NALCN: variants seen among roughly 807,000 people sequenced by gnomAD.
NALCN encodes sodium leak channel, non-selective, also known as sodium leak channel NALCN.
Under a neutral mutation model 225.3 loss-of-function variants are expected in NALCN, and 111 were observed. The observed-to-expected ratio is 0.49, with a 90% CI of 0.42 to 0.58. NALCN has a LOEUF of 0.58. Among genes scored for constraint, NALCN ranks in the 20% least tolerant of loss-of-function variants. NALCN has a pLI of 0.00. For synonymous variants in NALCN, 764 were observed against 769.0 expected, an observed-to-expected ratio of 0.99 and a Z score of 0.11; for missense variants, 1,378 against 2,202.4, an observed-to-expected ratio of 0.63 and a Z score of 7.49.
At chr13:101,343,723 G>T (rs549712622) in intron 7 of NALCN, among the ~76,000 whole-genome samples, 52 of 152,292 alleles carry the variant, frequency 3.4e-4, no homozygotes, top group African/African-American at 1.2e-3. Flanking sequence ...CCTAGAACTG[G>T]TCCTCTCAAG....
chr13:101,378,672 T>C lies in NALCN; in HGVS notation c.292-19A>G. 1 of 1,590,792 alleles carries C rather than the reference T, an allele frequency of 6.3e-7. No individual in the cohort carries two copies. Among genetic ancestry groups the C allele is most frequent in the Non-Finnish European group, 8.6e-7 (1 of 1,163,420 alleles). ...TATCCCCCTAAAAATAAATTTTACA[T>C]GGCATTATTAGGCAAAGCAAATATT... On this transcript the variant is annotated intron_variant, in intron 3 of 43. Transcript: ENST00000251127.
chr13:101,233,392 G>C (rs939981200), intron 12 of NALCN, among the ~76,000 whole-genome samples: 4 of 149,740 alleles, frequency 2.7e-5, no homozygotes, highest in Non-Finnish European at 5.9e-5. Flanking sequence ...CCAGGCTGGA[G>C]AGCAGTGGCG....
upstream of NALCN, among the ~76,000 whole-genome samples, chr13:101,416,906 C>T (rs2047963749): frequency 1.3e-5 from 2 of 152,194 alleles, no homozygotes; most frequent in South Asian, 4.2e-4. Context: ...TGCACGGTAC[C>T]GAGGACTAGT....
chr13:101,282,648 A>G (rs919252152), intron 10 of NALCN, among the ~76,000 whole-genome samples: 2 of 151,912 alleles, frequency 1.3e-5, no homozygotes, highest in Non-Finnish European at 2.9e-5. Flanking sequence ...CTTAAGTGTT[A>G]CCCCCCACCC....
intron 9 of NALCN, among the ~76,000 whole-genome samples, chr13:101,289,293 T>C (rs1161122336): frequency 6.6e-6 from 1 of 152,156 alleles, no homozygotes; most frequent in African/African-American, 2.4e-5. Context: ...ACATGTTATA[T>C]TATGGTCTCC....
At chr13:101,301,581 C>A (rs1396801335) in intron 7 of NALCN, among the ~76,000 whole-genome samples, 1 of 151,804 alleles carries the variant, frequency 6.6e-6, no homozygotes, top group African/African-American at 2.4e-5. Flanking sequence ...ATTATCCAGG[C>A]CTGGTGGCAT....
chr13:101,342,681 C>A (rs1301870485), intron 7 of NALCN, among the ~76,000 whole-genome samples: 12 of 152,138 alleles, frequency 7.9e-5, no homozygotes, highest in Admixed American at 7.9e-4. Context: ...ATAGTTACAG[C>A]TTTTCAGAGT....
At chr13:101,076,900 A>G (rs1364257061) in intron 34 of NALCN, among the ~76,000 whole-genome samples, 1 of 152,088 alleles carries the variant, frequency 6.6e-6, no homozygotes, top group African/African-American at 2.4e-5. Flanking sequence ...TTGCATTTCG[A>G]TATGGTTTGG....
At chr13:101,124,068 T>C (rs1420675126) in intron 18 of NALCN, among the ~76,000 whole-genome samples, 1 of 152,230 alleles carries the variant, frequency 6.6e-6, no homozygotes, top group African/African-American at 2.4e-5. Context: ...ATATAACATA[T>C]AGTCTTATAA....
chr13:101,397,065 A>AC (rs1650798795), intron 2 of NALCN, among the ~76,000 whole-genome samples: 2 of 68,568 alleles, frequency 2.9e-5, no homozygotes, highest in Middle Eastern at 7.2e-3. Context: ...CTATGAATGT[A>AC]TTATATATAT....
rs541106576 is a variant in NALCN at position 101,054,479 on chromosome 13, A to C, written c.*816T>G. 15 of 152,286 alleles carry C rather than the reference A, an allele frequency of 9.8e-5. No individual in the cohort carries two copies. Among genetic ancestry groups the C allele is most frequent in the African/African-American group, 2.9e-4 (12 of 41,548 alleles). 9.4% of individuals were successfully genotyped at this position (152,286 alleles called of 1,614,324 possible). A position where few individuals can be genotyped will look rare whatever the true frequency, so the allele number is the denominator to read the frequency against. The stretch of plus-strand genomic sequence containing the variant: ...TGCAAAGATTTTTTTAAATAAATTG[A>C]GCTATATAGTTTTATTCTTTTTGCT... On this transcript the variant is annotated 3_prime_UTR_variant, in exon 44 of 44. Coordinates refer to ENST00000251127, the MANE Select transcript of NALCN (RefSeq NM_052867.4).
intron 7 of NALCN, among the ~76,000 whole-genome samples, chr13:101,344,142 A>C (rs1266123595): frequency 6.6e-6 from 1 of 152,164 alleles, no homozygotes; most frequent in Non-Finnish European, 1.5e-5. Flanking sequence ...TTTCTTCCTC[A>C]TGCCTAAAAG....
At chr13:101,346,267 T>A (rs1300759482) in intron 6 of NALCN, among the ~76,000 whole-genome samples, 1 of 151,890 alleles carries the variant, frequency 6.6e-6, no homozygotes, top group Non-Finnish European at 1.5e-5. Context: ...CTATCACCAT[T>A]ACGGTTTTTG....
chr13:101,224,646 A>T (rs2041068393), intron 13 of NALCN, among the ~76,000 whole-genome samples: 2 of 152,052 alleles, frequency 1.3e-5, no homozygotes, highest in African/African-American at 4.8e-5. Context: ...TATAACCCTA[A>T]CTTATAAACT....
chr13:101,344,182 C>T (rs1354604816), intron 7 of NALCN, among the ~76,000 whole-genome samples: 1 of 152,128 alleles, frequency 6.6e-6, no homozygotes, highest in Non-Finnish European at 1.5e-5. Context: ...TGCCTCTGTA[C>T]TTTTGAGACA....
rs2041617711 is a variant in NALCN at position 101,237,824 on chromosome 13, T to C, written c.1365A>G (p.Leu455=). 1 of 1,607,284 alleles carries C rather than the reference T, an allele frequency of 6.2e-7. No individual in the cohort carries two copies. ...GAAGAGTAGTTCCAATTACGAGTAG[T>C]AGTTCGAATTTGTGGAGAGATGAGC... ...YISSSLHKFE[L]LLVIGTTLHV... Residue 455 remains leucine (L), a synonymous_variant, in exon 12 of 44, where the codon CTA becomes CTG. Transcript: ENST00000251127.
chr13:101,382,949 C>T (rs2046891153), intron 3 of NALCN, among the ~76,000 whole-genome samples: 1 of 152,118 alleles, frequency 6.6e-6, no homozygotes, highest in African/African-American at 2.4e-5. Flanking sequence ...ATCCTCTGGG[C>T]ATAAGTTTCA....
intron 13 of NALCN, among the ~76,000 whole-genome samples, chr13:101,214,580 C>T (rs924616338): frequency 4.0e-5 from 6 of 151,830 alleles, no homozygotes; most frequent in Non-Finnish European, 7.4e-5. Context: ...GGATAAAATG[C>T]AAAAAGCATC....
At chr13:101,290,297 G>T (rs1412304741) in intron 9 of NALCN, among the ~76,000 whole-genome samples, 2 of 152,138 alleles carry the variant, frequency 1.3e-5, no homozygotes, top group East Asian at 3.9e-4. Flanking sequence ...TGGTTTTAAA[G>T]GAATCTTAGG....
Sources: allele counts gnomAD v4.1 joint callset (sites outside exome capture counted in the v4.1 genomes callset), GRCh38; gene constraint gnomAD v4.1.1; transcripts MANE v1.5; gene names NCBI Gene and HGNC (gene_info 2026-07-23, HGNC 2026-07-21).